COL21A1: variants seen among roughly 807,000 people sequenced by gnomAD.
The protein encoded by COL21A1 is collagen type XXI alpha 1 chain.
A neutral mutation model predicts 137.9 loss-of-function variants in COL21A1; 149 were observed. The observed-to-expected ratio is 1.08, with a 90% confidence interval of 0.95 to 1.24. The LOEUF (loss-of-function observed/expected upper bound fraction) is 1.24. Among genes scored for constraint, COL21A1 ranks in the 50% most tolerant of loss-of-function variants. The pLI is 0.00. For synonymous variants in COL21A1, 456 were observed against 391.5 expected, an observed-to-expected ratio of 1.16 and a Z score of -1.95; for missense variants, 1,167 against 1,158.4, an observed-to-expected ratio of 1.01 and a Z score of -0.11.
chr6:56,306,504 T>C lies in COL21A1; in HGVS notation c.-39+87467A>G, dbSNP rs1764457483. Among the ~76,000 whole-genome samples, 4 of 152,222 alleles carry C rather than the reference T, an allele frequency of 2.6e-5. 1 individual carries two copies. In the South Asian group the frequency reaches 8.3e-4, roughly 32 times the overall value. ...TTTCATCTTCCATCACTGATACCCTTTCTTCCAGTTGATCGAATTGGCTAC... is the reference window on the plus strand; with the variant it reads ...TTTCATCTTCCATCACTGATACCCTCTCTTCCAGTTGATCGAATTGGCTAC... On this transcript the variant is annotated intron_variant, in intron 1 of 28. Transcript: ENST00000370819.
At chr6:56,268,544 C>A (rs2152331972) in intron 1 of COL21A1, among the ~76,000 whole-genome samples, 1 of 152,284 alleles carries the variant, frequency 6.6e-6, no homozygotes, top group Admixed American at 6.5e-5. Flanking sequence ...TCAATATATA[C>A]CCCTGTGAAA....
chr6:56,091,598 T>A (rs1256982567), intron 17 of COL21A1: 8 of 152,622 alleles, frequency 5.2e-5, no homozygotes, highest in Non-Finnish European at 1.0e-4. Flanking sequence ...AAATTTTCAC[T>A]GTGAGCCATA....
chr6:56,358,373 C>T (rs552040162), intron 1 of COL21A1, among the ~76,000 whole-genome samples: 5 of 151,970 alleles, frequency 3.3e-5, no homozygotes, highest in Admixed American at 2.0e-4. Context: ...TTGAGACAGA[C>T]GATGTTATAT....
At chr6:56,125,990 A>G (rs967622094) in intron 13 of COL21A1, 106 bp downstream of exon 13, 67 of 643,066 alleles carry the variant, frequency 1.0e-4, no homozygotes, top group Non-Finnish European at 2.9e-5. Context: ...CTTTATCTCT[A>G]ATTATATATG....
chr6:56,295,541 C>T lies in COL21A1; in HGVS notation c.-39+98430G>A, dbSNP rs1406252040. Among the ~76,000 whole-genome samples the T allele has an allele frequency of 2.6e-5, 4 of 152,072 alleles. No homozygotes were observed. In the East Asian group the frequency reaches 7.7e-4, roughly 29 times the overall value. On this transcript the variant is annotated intron_variant, in intron 1 of 28. Transcript: ENST00000370819. ...CATAGATGAAGTTAGGAGGAAATGA[C>T]ATCTTAATATTGAGTCTTCCTTTCA...
At chr6:56,277,455 C>T (rs1400574361) in intron 1 of COL21A1, among the ~76,000 whole-genome samples, 1 of 152,134 alleles carries the variant, frequency 6.6e-6, no homozygotes, top group African/African-American at 2.4e-5. Context: ...CATTTGGAGA[C>T]TTGTTTGTTA....
chr6:56,208,001 C>G (rs1050153605), intron 1 of COL21A1, among the ~76,000 whole-genome samples: 1 of 152,120 alleles, frequency 6.6e-6, no homozygotes, highest in African/African-American at 2.4e-5. Context: ...GCTAAAAACT[C>G]TCCATAAGCT....
At chr6:56,274,747 CCATGCCTA>C (rs2152332946) in intron 1 of COL21A1, among the ~76,000 whole-genome samples, 1 of 152,150 alleles carries the variant, frequency 6.6e-6, no homozygotes, top group African/African-American at 2.4e-5. Context: ...GAAAAATATT[CCATGCCTA>C]TGGATTAAAA....
chr6:56,374,248 C>T (rs2093995228), intron 1 of COL21A1, among the ~76,000 whole-genome samples: 1 of 152,082 alleles, frequency 6.6e-6, no homozygotes, highest in African/African-American at 2.4e-5. Context: ...TGACATTTCC[C>T]CAAGAAAAGA....
At chr6:56,321,031 A>C (rs1764852817) in intron 1 of COL21A1, among the ~76,000 whole-genome samples, 1 of 152,180 alleles carries the variant, frequency 6.6e-6, no homozygotes, top group African/African-American at 2.4e-5. Flanking sequence ...CTGATGAAAA[A>C]AACAAATTTT....
At chr6:56,127,403 T>G (rs943197971) in intron 12 of COL21A1, among the ~76,000 whole-genome samples, 1 of 152,172 alleles carries the variant, frequency 6.6e-6, no homozygotes, top group African/African-American at 2.4e-5. Context: ...TCAAAATCAC[T>G]TCTGATTGTA....
chr6:56,162,683 C>G (rs918542631), intron 9 of COL21A1, among the ~76,000 whole-genome samples: 2 of 152,112 alleles, frequency 1.3e-5, no homozygotes, highest in African/African-American at 2.4e-5. Flanking sequence ...CAGCATGGGT[C>G]TCTAATTTCT....
At chr6:56,123,249 T>G (rs62412810) in intron 16 of COL21A1, among the ~76,000 whole-genome samples, 22,864 of 152,260 alleles carry the variant, frequency 0.15, 1,747 homozygotes, top group Middle Eastern at 0.22. Context: ...AAGGAACCAA[T>G]GACTTTAAAA....
chr6:56,195,449 G>A (rs544471702), intron 1 of COL21A1, among the ~76,000 whole-genome samples: 19 of 152,078 alleles, frequency 1.2e-4, no homozygotes, highest in African/African-American at 3.1e-4. Flanking sequence ...TGGTGGGGGA[G>A]GGAAAGAGGG....
intron 9 of COL21A1, among the ~76,000 whole-genome samples, chr6:56,160,429 G>A (rs1002369149): frequency 7.9e-5 from 12 of 152,038 alleles, no homozygotes; most frequent in African/African-American, 2.4e-4. Flanking sequence ...CCACTCCAGG[G>A]TCCAAGCTCC....
chr6:56,121,935 T>C (rs112520590), intron 16 of COL21A1, among the ~76,000 whole-genome samples: 2,296 of 151,962 alleles, frequency 0.015, 34 homozygotes, highest in Middle Eastern at 0.037. Context: ...CCCATGCTAA[T>C]GAGAAAATAG....
intron 17 of COL21A1, among the ~76,000 whole-genome samples, chr6:56,082,502 A>T (rs1282773344): frequency 1.3e-5 from 2 of 151,984 alleles, no homozygotes; most frequent in African/African-American, 4.8e-5. Flanking sequence ...TTGTTACTAC[A>T]TAACTCAAAA....
intron 1 of COL21A1, among the ~76,000 whole-genome samples, chr6:56,191,262 G>C (rs1257613557): frequency 6.6e-6 from 1 of 152,016 alleles, no homozygotes; most frequent in Non-Finnish European, 1.5e-5. Flanking sequence ...AAAGTCTCAG[G>C]ATACAAAATC....
At chr6:56,074,981 T>TG (rs34830483) in intron 19 of COL21A1, among the ~76,000 whole-genome samples, 72,574 of 150,296 alleles carry the variant, frequency 0.48, 18,069 homozygotes, top group East Asian at 0.74. Flanking sequence ...AGTTAAAATT[T>TG]GGGGGGGGAT....
Sources: gnomAD v4.1 joint callset for allele counts (sites outside exome capture counted in the v4.1 genomes callset) on GRCh38, gnomAD v4.1.1 for gene constraint, MANE v1.5 for transcripts, NCBI Gene and HGNC (gene_info 2026-07-23, HGNC 2026-07-21) for gene names.